The following BCAS3 variants were observed in gnomAD, a reference collection of about 807,000 sequenced individuals.
The protein encoded by BCAS3 is BCAS4/BCAS3 fusion.
A neutral mutation model predicts 116.1 loss-of-function variants in BCAS3; 53 were observed. That is an observed-to-expected ratio of 0.46 (90% CI 0.37 to 0.57). The LOEUF (loss-of-function observed/expected upper bound fraction) is 0.57. Ranked by LOEUF, BCAS3 falls within the 20% of genes least tolerant of loss-of-function variation. BCAS3 has a pLI of 0.00. For synonymous variants in BCAS3, 391 were observed against 408.2 expected (o/e 0.96, Z 0.51); for missense variants, 917 against 1,165.4 (o/e 0.79, Z 3.10).
At chr17:60,729,695 A>G (rs138808224) in intron 5 of BCAS3, among the ~76,000 whole-genome samples, 1 of 152,248 alleles carries the variant, frequency 6.6e-6, no homozygotes, top group Admixed American at 6.5e-5. Context: ...TTACAATACC[A>G]TTAAAATGTA....
intron 16 of BCAS3, among the ~76,000 whole-genome samples, chr17:61,016,611 T>C (rs947900775): frequency 1.3e-5 from 2 of 152,228 alleles, no homozygotes; most frequent in African/African-American, 2.4e-5. Flanking sequence ...TGGAAATCCA[T>C]TTTATATCAG....
chr17:60,697,710 A>G (rs1194376222), intron 4 of BCAS3, among the ~76,000 whole-genome samples: 1 of 151,998 alleles, frequency 6.6e-6, no homozygotes, highest in African/African-American at 2.4e-5. Flanking sequence ...GAGTATACTG[A>G]GTGCAGTCAT....
intron 14 of BCAS3, among the ~76,000 whole-genome samples, chr17:60,972,217 T>G (rs1374355794): frequency 6.6e-6 from 1 of 152,158 alleles, no homozygotes; most frequent in Non-Finnish European, 1.5e-5. Flanking sequence ...CCAACATAAG[T>G]CAAAATGATA....
At chr17:61,061,541 G>C (rs2070035430) in intron 19 of BCAS3, among the ~76,000 whole-genome samples, 1 of 152,184 alleles carries the variant, frequency 6.6e-6, no homozygotes, top group Admixed American at 6.5e-5. Flanking sequence ...TACATGTACA[G>C]ATGGGTACAT....
chr17:60,902,017 C>T (rs1277357964), intron 10 of BCAS3, among the ~76,000 whole-genome samples: 1 of 152,162 alleles, frequency 6.6e-6, no homozygotes, highest in East Asian at 1.9e-4. Flanking sequence ...TGGCAGTTTG[C>T]TTTATTTATG....
chr17:60,915,746 G>A (rs904379847), intron 12 of BCAS3, among the ~76,000 whole-genome samples: 4 of 150,216 alleles, frequency 2.7e-5, no homozygotes, highest in African/African-American at 7.4e-5. Context: ...GCAGTGGCGC[G>A]ATCTTGGCTC....
chr17:60,700,499 A>G (rs1386954639), intron 4 of BCAS3, among the ~76,000 whole-genome samples: 4 of 152,212 alleles, frequency 2.6e-5, no homozygotes, highest in African/African-American at 9.6e-5. Flanking sequence ...TCCAAACTCT[A>G]TATTGAGGAA....
chr17:61,038,532 C>T (rs1442725507), intron 18 of BCAS3, among the ~76,000 whole-genome samples: 4 of 151,592 alleles, frequency 2.6e-5, no homozygotes, highest in East Asian at 1.9e-4. Flanking sequence ...GAATTACAGG[C>T]GTGAGCAACC....
At chr17:61,119,041 A>G (rs2044349989) in intron 22 of BCAS3, among the ~76,000 whole-genome samples, 1 of 152,202 alleles carries the variant, frequency 6.6e-6, no homozygotes, top group South Asian at 2.1e-4. Context: ...AACACTTCAC[A>G]CTAAGCAAGG....
At chr17:60,844,742 T>C (rs1343380085) in intron 7 of BCAS3, among the ~76,000 whole-genome samples, 1 of 152,178 alleles carries the variant, frequency 6.6e-6, no homozygotes, top group Non-Finnish European at 1.5e-5. Context: ...TTAATTGACC[T>C]GATGGATATC....
At chr17:61,187,209 A>AGACC (rs2079833868) in intron 22 of BCAS3, among the ~76,000 whole-genome samples, 1 of 152,256 alleles carries the variant, frequency 6.6e-6, no homozygotes, top group Non-Finnish European at 1.5e-5. Context: ...ACATCAAGAT[A>AGACC]GACCCTTCAC....
rs1045036758 is a variant in BCAS3 at position 61,217,962 on chromosome 17, T to G, written c.2425+133398T>G. On this transcript the variant is annotated intron_variant, in intron 22 of 23. Coordinates refer to ENST00000407086, the MANE Select transcript of BCAS3 (RefSeq NM_017679.5). The surrounding 1 kb of genome is among the most constrained non-coding windows in gnomAD (Gnocchi z 5.2). ...TTACAACAGATCACTGATAATTTAG[T>G]GGACTGGTTACCACCAGAATCCTTG... Among the ~76,000 whole-genome samples, 4 of 152,324 alleles carry G rather than the reference T, an allele frequency of 2.6e-5. No individual in the cohort carries two copies. The highest frequency in any genetic ancestry group is 3.4e-3 in the Middle Eastern group (1 of 294).
rs527265524 is a variant in BCAS3, at chr17:61,019,943, A to G, written c.1637+4042A>G. Among the ~76,000 whole-genome samples the G allele has an allele frequency of 1.3e-5, 2 of 152,298 alleles. No homozygotes were observed. The highest frequency in any genetic ancestry group is 4.8e-5 in the African/African-American group (2 of 41,552). On this transcript the variant is annotated intron_variant, in intron 16 of 23. Transcript: ENST00000407086. The surrounding 1 kb of genome is among the most constrained non-coding windows in gnomAD (Gnocchi z 5.6). ...AATCAACAAGAAGTATTTGACATGG[A>G]TTATGTAGAAAGAGAACACAGAGTG...
At chr17:61,360,439 T>C (rs2058393867) in intron 22 of BCAS3, among the ~76,000 whole-genome samples, 2 of 152,238 alleles carry the variant, frequency 1.3e-5, no homozygotes, top group South Asian at 4.1e-4. Context: ...ACCATAAACC[T>C]GGTGACTTAA....
chr17:61,078,539 G>T lies in BCAS3; in HGVS notation c.2327+10G>T. The stretch of plus-strand genomic sequence containing the variant: ...ATCTCAACAGTCTCAGGTAGGAAAT[G>T]AGAATTAGGGAGTGATTTGAACAAA... On this transcript the variant is annotated intron_variant, in intron 21 of 23. Coordinates refer to ENST00000407086, the MANE Select transcript of BCAS3 (RefSeq NM_017679.5). The T allele has an allele frequency of 6.3e-7, 1 of 1,596,300 alleles. No homozygotes were observed. The highest frequency in any genetic ancestry group is 1.1e-5 in the South Asian group (1 of 89,936).
chr17:60,838,542 A>G (rs971489930), intron 7 of BCAS3, among the ~76,000 whole-genome samples: 15 of 151,992 alleles, frequency 9.9e-5, no homozygotes, highest in African/African-American at 3.6e-4. Flanking sequence ...CTTGAAATAG[A>G]AAGGTATAGG....
At chr17:61,266,697 T>C (rs890170022) in intron 22 of BCAS3, among the ~76,000 whole-genome samples, 2 of 152,212 alleles carry the variant, frequency 1.3e-5, no homozygotes, top group Non-Finnish European at 2.9e-5. Context: ...CCACAATTAG[T>C]ATGACTCACA....
chr17:61,274,349 C>T (rs1457949843), intron 22 of BCAS3, among the ~76,000 whole-genome samples: 1 of 138,306 alleles, frequency 7.2e-6, no homozygotes, highest in African/African-American at 2.8e-5. Context: ...AGTGCAGTGG[C>T]ACAATCTCTG....
intron 22 of BCAS3, among the ~76,000 whole-genome samples, chr17:61,117,083 A>C (rs796848894): frequency 5.9e-5 from 9 of 152,302 alleles, no homozygotes; most frequent in African/African-American, 2.2e-4. Flanking sequence ...TACTTTGCCA[A>C]CCCACACCCT....
Sources: gnomAD v4.1 joint callset for allele counts (sites outside exome capture counted in the v4.1 genomes callset) on GRCh38, gnomAD v4.1.1 for gene constraint, Gnocchi (gnomAD v3.1) non-coding constraint, MANE v1.5 for transcripts, NCBI Gene and HGNC (gene_info 2026-07-23, HGNC 2026-07-21) for gene names.